Variants in SLC14A2 observed in about 807,000 individuals in gnomAD.
SLC14A2 encodes the protein urea transporter 2.
Under a neutral mutation model 104.6 loss-of-function variants are expected in SLC14A2, and 91 were observed. The ratio of observed to expected loss-of-function variants is 0.87; its 90% CI spans 0.73 to 1.04. The LOEUF (loss-of-function observed/expected upper bound fraction) is 1.04. SLC14A2 is among the 50% of genes least tolerant of loss of function. SLC14A2 has a pLI of 0.00. For missense variants in SLC14A2, 1,189 were observed against 1,156.0 expected, an observed-to-expected ratio of 1.03 and a Z score of -0.41; for synonymous variants, 476 against 466.4, an observed-to-expected ratio of 1.02 and a Z score of -0.27.
intron 1 of SLC14A2, among the ~76,000 whole-genome samples, chr18:45,470,048 G>A (rs1351013504): frequency 6.6e-6 from 1 of 152,130 alleles, no homozygotes; most frequent in Non-Finnish European, 1.5e-5. Flanking sequence ...TAAACTGAAG[G>A]AATTGTATTG....
upstream of SLC14A2, among the ~76,000 whole-genome samples, chr18:45,612,371 T>A (rs895563051): frequency 6.6e-6 from 1 of 152,234 alleles, no homozygotes; most frequent in Admixed American, 6.5e-5. Flanking sequence ...GAATAGCATT[T>A]AAACTCCTTA....
At chr18:45,679,545 G>A (rs1382051718) in intron 19 of SLC14A2, among the ~76,000 whole-genome samples, 1 of 152,210 alleles carries the variant, frequency 6.6e-6, no homozygotes, top group African/African-American at 2.4e-5. Flanking sequence ...TGTGAGGTCA[G>A]GAGGAGCCCA....
chr18:45,212,288 T>C (rs1727070434), upstream of SLC14A2, among the ~76,000 whole-genome samples: 1 of 152,176 alleles, frequency 6.6e-6, no homozygotes, highest in Non-Finnish European at 1.5e-5. Context: ...TGTAAGAAAC[T>C]GTAGCAAGTC....
At chr18:45,403,374 A>C (rs2086116825) in intron 1 of SLC14A2, among the ~76,000 whole-genome samples, 1 of 152,258 alleles carries the variant, frequency 6.6e-6, no homozygotes, top group African/African-American at 2.4e-5. Context: ...AGTCCATAAC[A>C]TGGAATAATA....
chr18:45,528,051 G>A (rs756186976), intron 2 of SLC14A2: 1 of 152,130 alleles, frequency 6.6e-6, no homozygotes, highest in Non-Finnish European at 1.5e-5. Flanking sequence ...TGACATCCAT[G>A]TGGGAATTAT....
intron 1 of SLC14A2, among the ~76,000 whole-genome samples, chr18:45,353,353 G>A (rs920604967): frequency 6.6e-6 from 1 of 152,188 alleles, no homozygotes; most frequent in African/African-American, 2.4e-5. Context: ...AGGGATACAG[G>A]AAAAGAATGA....
At chr18:45,452,388 T>C (rs761164258) in intron 1 of SLC14A2, among the ~76,000 whole-genome samples, 2 of 152,338 alleles carry the variant, frequency 1.3e-5, no homozygotes, top group South Asian at 4.2e-4. Context: ...TCAGTACTTA[T>C]TACCACTTGA....
chr18:45,409,076 C>T (rs984478514), intron 1 of SLC14A2, among the ~76,000 whole-genome samples: 5 of 152,130 alleles, frequency 3.3e-5, no homozygotes, highest in African/African-American at 1.2e-4. Context: ...CTCCAGCTGT[C>T]CAGTTGCAGC....
Position 45,397,894 on chromosome 18 carries a change from C to A in SLC14A2, c.-124-85339C>A, listed in dbSNP as rs551098278. On this transcript the variant is annotated intron_variant, in intron 1 of 20. Coordinates refer to the SLC14A2 transcript ENST00000586448. ...GTAAAAAACTTAGTTCAGTGCCCAG[C>A]CCATGACAAGCCCTCAAGTATGAGT... Among the ~76,000 whole-genome samples, 3 of 151,792 alleles carry A rather than the reference C, an allele frequency of 2.0e-5. No individual in the cohort carries two copies. The South Asian group carries it at 6.3e-4, about 32-fold the overall frequency.
chr18:45,569,550 T>C (rs2044316936), intron 2 of SLC14A2, among the ~76,000 whole-genome samples: 1 of 152,214 alleles, frequency 6.6e-6, no homozygotes, highest in Admixed American at 6.5e-5. Context: ...GCATTAGCCA[T>C]CTCACAACAA....
intron 1 of SLC14A2, among the ~76,000 whole-genome samples, chr18:45,409,836 G>A (rs1047815370): frequency 1.3e-5 from 2 of 152,174 alleles, no homozygotes; most frequent in African/African-American, 4.8e-5. Context: ...ACAGACCGGG[G>A]TTGGAGGGTG....
intron 2 of SLC14A2, among the ~76,000 whole-genome samples, chr18:45,497,383 A>G (rs1194559742): frequency 1.3e-5 from 2 of 152,198 alleles, no homozygotes; most frequent in Non-Finnish European, 2.9e-5. Context: ...AACGTTTCTT[A>G]TCCTGTGTGG....
At position 45,229,179 on chromosome 18, in the gene SLC14A2, G is replaced by T. The variant is rs181374705; in HGVS notation, c.-125+15988G>T. On this transcript the variant is annotated intron_variant, in intron 1 of 20. Transcript: ENST00000586448. Reference sequence around the variant, plus strand: ...AAGGACACATGACTCAAGTCTTAATGCACTTACTGAATTCTTTTCTTGTAA... The same window carrying T: ...AAGGACACATGACTCAAGTCTTAATTCACTTACTGAATTCTTTTCTTGTAA... Among the ~76,000 whole-genome samples, 263 of 152,266 alleles carry T rather than the reference G, an allele frequency of 1.7e-3. 1 individual carries two copies. Among genetic ancestry groups the T allele is most frequent in the Middle Eastern group, 0.017 (5 of 294 alleles).
chr18:45,648,533 C>T (rs543724707), intron 10 of SLC14A2, among the ~76,000 whole-genome samples: 7 of 152,236 alleles, frequency 4.6e-5, no homozygotes, highest in Admixed American at 4.6e-4. Context: ...ATCACTCCAA[C>T]TTAACCAGTA....
At chr18:45,513,892 C>T (rs1317856005) in intron 2 of SLC14A2, among the ~76,000 whole-genome samples, 1 of 152,124 alleles carries the variant, frequency 6.6e-6, no homozygotes, top group Non-Finnish European at 1.5e-5. Context: ...ACTAAGGAAA[C>T]ATCTCCACCT....
chr18:45,586,822 C>G (rs2044572518), intron 2 of SLC14A2, among the ~76,000 whole-genome samples: 1 of 152,246 alleles, frequency 6.6e-6, no homozygotes, highest in Non-Finnish European at 1.5e-5. Context: ...TCCCAAGGGA[C>G]ACTGTCAGGG....
At chr18:45,608,227 T>C in intron 2 of SLC14A2, among the ~76,000 whole-genome samples, 1 of 152,206 alleles carries the variant, frequency 6.6e-6, no homozygotes, top group Non-Finnish European at 1.5e-5. Flanking sequence ...TCCAAATATT[T>C]ACTTCAGCAG....
At chr18:45,272,210 G>A (rs1252407624) in intron 1 of SLC14A2, among the ~76,000 whole-genome samples, 2 of 151,866 alleles carry the variant, frequency 1.3e-5, no homozygotes, top group Non-Finnish European at 2.9e-5. Context: ...TGAAAATTCA[G>A]CTACCATATC....
intron 2 of SLC14A2, among the ~76,000 whole-genome samples, chr18:45,527,188 G>T (rs759815709): frequency 2.0e-5 from 3 of 152,132 alleles, no homozygotes; most frequent in Non-Finnish European, 2.9e-5. Context: ...GAGAATTTAG[G>T]TGCTCCCTGT....
Sources: allele counts gnomAD v4.1 joint callset (sites outside exome capture counted in the v4.1 genomes callset), GRCh38; gene constraint gnomAD v4.1.1; transcripts MANE v1.5; gene names NCBI Gene and HGNC (gene_info 2026-07-23, HGNC 2026-07-21).